MTA2: variants seen among roughly 807,000 people sequenced by gnomAD.
The protein encoded by MTA2 is metastasis-associated protein MTA2.
A neutral mutation model predicts 87.1 loss-of-function variants in MTA2; 22 were observed. The ratio of observed to expected loss-of-function variants is 0.25; its 90% confidence interval spans 0.18 to 0.36. The LOEUF (loss-of-function observed/expected upper bound fraction) is 0.36, where lower values mean the gene tolerates loss of function less well. MTA2 is among the 10% of genes least tolerant of loss of function. The probability of loss-of-function intolerance (pLI) is 1.00; values close to 1 mark genes in which losing one functional copy is unlikely to be tolerated. For synonymous variants in MTA2, 314 were observed against 310.1 expected (o/e 1.01, Z -0.13); for missense variants, 542 against 853.2 (o/e 0.64, Z 4.54).
Position 62,601,723 on chromosome 11 carries a change from G to C in MTA2, c.-273C>G, listed in dbSNP as rs966092441. Reference sequence around the variant, plus strand: ...AACGAGCTCGGCTCCTGCCAGGCCAGAGCCAGGCTCCAGCTACCCCCGCCC... The same window carrying C: ...AACGAGCTCGGCTCCTGCCAGGCCACAGCCAGGCTCCAGCTACCCCCGCCC... On this transcript the variant is annotated 5_prime_UTR_variant, in exon 1 of 18. Coordinates refer to ENST00000278823, the MANE Select transcript of MTA2 (RefSeq NM_004739.4). 4 of 519,740 alleles carry C rather than the reference G, an allele frequency of 7.7e-6. No homozygotes were observed. The East Asian group carries it at 1.4e-4, about 18-fold the overall frequency. 32.2% of individuals were successfully genotyped at this position (519,740 alleles called of 1,614,324 possible). A position where few individuals can be genotyped will look rare whatever the true frequency, so the allele number is the denominator to read the frequency against.
At chr11:62,597,197 C>T (rs1319671315) in intron 8 of MTA2, 119 bp downstream of exon 8, 18 of 716,622 alleles carry the variant, frequency 2.5e-5, no homozygotes, top group Non-Finnish European at 3.6e-5. Context: ...CAAAACAAAA[C>T]AAAACAAACA....
At position 62,597,578 on chromosome 11, in the gene MTA2, C is replaced by A. The variant is rs766419203; in HGVS notation, c.593+32G>T. The A allele has an allele frequency of 6.9e-6, 11 of 1,595,126 alleles. No homozygotes were observed. The Admixed American group carries it at 1.9e-4, about 27-fold the overall frequency. Reference sequence around the variant, plus strand: ...CTCAGAACAATGTCCACACCTCCCCCAGCCCATCTTCCCTATCCACCCACC... The same window carrying A: ...CTCAGAACAATGTCCACACCTCCCCAAGCCCATCTTCCCTATCCACCCACC... On this transcript the variant is annotated intron_variant, in intron 7 of 17. Transcript: ENST00000278823.
In MTA2 at chr11:62,595,164, G is replaced by A; in HGVS notation, c.1484-94C>T. 2 of 1,539,432 alleles carry A rather than the reference G, an allele frequency of 1.3e-6. No individual in the cohort carries two copies. Among genetic ancestry groups the A allele is most frequent in the Non-Finnish European group, 1.8e-6 (2 of 1,120,234 alleles). On this transcript the variant is annotated intron_variant, in intron 14 of 17. Coordinates refer to ENST00000278823, the MANE Select transcript of MTA2 (RefSeq NM_004739.4). This position sits in a 1 kb window ranked among gnomAD's most constrained non-coding sequence, Gnocchi z 4.9. The stretch of plus-strand genomic sequence containing the variant: ...CTCTAATCTTAAAAAAATTATCTGT[G>A]GCCTACTATCCCTCCTGTTATTAGA...
intron 5 of MTA2, 39 bp downstream of exon 5, chr11:62,598,288 C>G: frequency 6.3e-7 from 1 of 1,598,086 alleles, no homozygotes; most frequent in Non-Finnish European, 8.6e-7. Flanking sequence ...GCGGGCAATA[C>G]CCATTCCCCT....
chr11:62,595,319 C>T lies in MTA2; in HGVS notation c.1428G>A (p.Arg476=), dbSNP rs1214981624. 6.2e-7 allele frequency: 1 copy of T among 1,614,224 alleles called. No individual in the cohort carries two copies. The highest frequency in any genetic ancestry group is 1.1e-5 in the South Asian group (1 of 91,088). The part of the protein sequence containing the change: ...RRMCRDLLQP[R]RAARRPYAPI... ...GAGCATAAGGCCGTCGGGCGGCCCT[C>T]CTTGGCTGTAATAGGTCCCTGCACA... The change falls in exon 14 of 18, where the codon AGG becomes AGA. Residue 476 remains arginine (R), a synonymous_variant. Coordinates refer to ENST00000278823, the MANE Select transcript of MTA2 (RefSeq NM_004739.4). The surrounding 1 kb of genome is among the most constrained non-coding windows in gnomAD (Gnocchi z 4.9).
Position 62,595,080 on chromosome 11 carries a change from AAAG to A in MTA2, c.1484-13_1484-11del, listed in dbSNP as rs770017572. The A allele has an allele frequency of 3.4e-5, 55 of 1,613,346 alleles. No homozygotes were observed. In the African/African-American group the frequency reaches 6.7e-4, roughly 20 times the overall value. On this transcript the variant is annotated splice_polypyrimidine_tract_variant and intron_variant, in intron 14 of 17. Coordinates refer to ENST00000278823, the MANE Select transcript of MTA2 (RefSeq NM_004739.4). This position sits in a 1 kb window ranked among gnomAD's most constrained non-coding sequence, Gnocchi z 4.9. The stretch of plus-strand genomic sequence containing the variant: ...GGAAGTCGAATGGAGCCTGGAGAAC[AAAG>A]AAGAAAGCTTCTGAAGGGCTTCACC...
Position 62,601,559 on chromosome 11 carries a change from G to C in MTA2, c.-109C>G, listed in dbSNP as rs1942201870. The C allele has an allele frequency of 7.5e-7, 1 of 1,335,262 alleles. No homozygotes were observed. The highest frequency in any genetic ancestry group is 1.4e-5 in the South Asian group (1 of 72,492). The allele number at this position is 1,335,262 out of a possible 1,614,324, so 82.7% of individuals were successfully genotyped here. A position where few individuals can be genotyped will look rare whatever the true frequency, so the allele number is the denominator to read the frequency against. On this transcript the variant is annotated 5_prime_UTR_variant, in exon 1 of 18. Transcript: ENST00000278823. The stretch of plus-strand genomic sequence containing the variant: ...AACGGTGGGCTGCCGCTTCGAGGGA[G>C]TCTCACTGGGGCCCGCGCAGCCGGC...
intron 3 of MTA2, among the ~76,000 whole-genome samples, chr11:62,599,927 T>C (rs1234707561): frequency 2.0e-5 from 3 of 152,206 alleles, no homozygotes; most frequent in African/African-American, 7.2e-5. Context: ...ATACTCTAAA[T>C]GTTATCATCT....
In MTA2 at chr11:62,600,700, A is replaced by T; in HGVS notation, c.29-11T>A. 1 of 1,612,674 alleles carries T rather than the reference A, an allele frequency of 6.2e-7. No individual in the cohort carries two copies. Among genetic ancestry groups the T allele is most frequent in the Non-Finnish European group, 8.5e-7 (1 of 1,179,032 alleles). On this transcript the variant is annotated splice_polypyrimidine_tract_variant and intron_variant, in intron 1 of 17. Coordinates refer to ENST00000278823, the MANE Select transcript of MTA2 (RefSeq NM_004739.4). ...CAAAATAGACGTAATCTGTAAGGGA[A>T]GGGAGGGGGGAGAACCACGAAGATC... is the stretch of plus-strand genomic sequence containing the variant.
Position 62,595,679 on chromosome 11 carries a change from T to C in MTA2, c.1254+73A>G. On this transcript the variant is annotated intron_variant, in intron 13 of 17. Coordinates refer to ENST00000278823, the MANE Select transcript of MTA2 (RefSeq NM_004739.4). This position sits in a 1 kb window ranked among gnomAD's most constrained non-coding sequence, Gnocchi z 4.9. ...CCATCACCATATAAAGAGTTGAATA[T>C]TCTGGCCTTCACCTAAGCTCACCAT... 6.3e-7 allele frequency: 1 copy of C among 1,585,740 alleles called. No homozygotes were observed. The highest frequency in any genetic ancestry group is 1.2e-5 in the South Asian group (1 of 86,520).
chr11:62,594,068 G>A, intron 17 of MTA2, 28 bp from the exon 18 acceptor site: 1 of 1,572,110 alleles, frequency 6.4e-7, no homozygotes, highest in Non-Finnish European at 8.6e-7. Context: ...GTGGGAAACA[G>A]AAAAGGCTTA....
chr11:62,596,325 C>A lies in MTA2; in HGVS notation c.970G>T (p.Ala324Ser), dbSNP rs1565044187. ...DRYIQQKRLK[A>S]AEADSKLKQV... ...TTCAGTTTGCTGTCTGCTTCAGCAG[C>A]TTTCAACCTTTTCTGTAAGAAGGTA... Residue 324 changes from alanine (A) to serine (S), a missense_variant, in exon 11 of 18, where the codon GCT becomes TCT. Physicochemically the swap from Ala to Ser is moderately conservative, Grantham distance 99. Around this residue, in one of 6 missense-constraint regions of MTA2, gnomAD observed 46 missense variants for 109.1 expected, o/e 0.42. Coordinates refer to ENST00000278823, the MANE Select transcript of MTA2 (RefSeq NM_004739.4). The A allele has an allele frequency of 3.1e-6, 5 of 1,614,170 alleles. No homozygotes were observed. The highest frequency in any genetic ancestry group is 4.2e-6 in the Non-Finnish European group (5 of 1,180,036).
chr11:62,594,355 C>G lies in MTA2; in HGVS notation c.1745G>C (p.Gly582Ala), dbSNP rs1942067559. The change falls in exon 17 of 18, where the codon GGG becomes GCG. Residue 582 changes from glycine to alanine, a missense_variant. Transcript: ENST00000278823. ...FSANGRPLAS[G>A]IRSSSQPAAK... ...TGCTGGCTGTGAGCTTGAACGAATC[C>G]CTGAAGCCAGAGGCCTTCCATTGGC... 6.2e-7 allele frequency: 1 copy of G among 1,614,028 alleles called. No homozygotes were observed. The highest frequency in any genetic ancestry group is 1.3e-5 in the African/African-American group (1 of 74,888).
In MTA2 at chr11:62,593,594, A is replaced by C; in HGVS notation, c.*281T>G. The stretch of plus-strand genomic sequence containing the variant: ...TAAAAAATTAAAAAACCCTCCCCCC[A>C]AAACTGTCCAAGACATCTGTGGGTC... On this transcript the variant is annotated 3_prime_UTR_variant, in exon 18 of 18. Transcript: ENST00000278823. 5.9e-6 allele frequency: 2 copies of C among 338,418 alleles called. No homozygotes were observed. The highest frequency in any genetic ancestry group is 6.1e-5 in the East Asian group (1 of 16,388). The allele number at this position is 338,418 out of a possible 1,614,324, so 21.0% of individuals were successfully genotyped here. A position where few individuals can be genotyped will look rare whatever the true frequency, so the allele number is the denominator to read the frequency against.
At position 62,594,546 on chromosome 11, in the gene MTA2, C is replaced by T. The variant is rs1942071422; in HGVS notation, c.1662G>A (p.Gly554=). Residue 554 remains glycine (G), a synonymous_variant, in exon 16 of 18, where the codon GGG becomes GGA. Coordinates refer to ENST00000278823, the MANE Select transcript of MTA2 (RefSeq NM_004739.4). ...RNQLSQNRGL[G]GIMVKRAYET... is the part of the protein sequence containing the mutation. ...CATAGGCCCGTTTCACCATAATGCC[C>T]CCCAGTCCCCGGTTCTGGGACAGCT... is the stretch of plus-strand genomic sequence containing the variant. The T allele has an allele frequency of 5.0e-6, 8 of 1,614,078 alleles. No homozygotes were observed. Among genetic ancestry groups the T allele is most frequent in the Non-Finnish European group, 5.9e-6 (7 of 1,180,060 alleles).
intron 3 of MTA2, 21 bp downstream of exon 3, chr11:62,600,145 G>T (rs1459473037): frequency 6.2e-7 from 1 of 1,604,808 alleles, no homozygotes; most frequent in Admixed American, 1.7e-5. Context: ...AGGAGAAAAA[G>T]AAAGGGAGGA....
intron 10 of MTA2, 28 bp downstream of exon 10, chr11:62,596,430 G>C: frequency 1.2e-6 from 2 of 1,613,228 alleles, no homozygotes; most frequent in Non-Finnish European, 1.7e-6. Context: ...GGTAGCCTAT[G>C]GTCCACCCTC....
chr11:62,594,601 C>G lies in MTA2; in HGVS notation c.1607G>C (p.Arg536Pro), dbSNP rs768452845. 6.2e-7 allele frequency: 1 copy of G among 1,614,056 alleles called. No homozygotes were observed. The highest frequency in any genetic ancestry group is 8.5e-7 in the Non-Finnish European group (1 of 1,180,020). ...TCTGTTGATCGGTGTCTTGGTACCC[C>G]GAGGTGTTTTTGGTTTCAGGGGTGC... ...AQAPLKPKTPRGTKTPINRNQ... is the reference protein window; with the variant it reads ...AQAPLKPKTPPGTKTPINRNQ... The change falls in exon 16 of 18, where the codon CGG becomes CCG. Residue 536 changes from arginine to proline, a missense_variant. Arg to Pro is a moderately radical substitution (Grantham distance 103). This residue lies in a region of MTA2 where 269 missense variants were observed against 346.4 expected (regional missense o/e 0.78). Transcript: ENST00000278823.
chr11:62,598,775 C>T (rs1014366304), intron 3 of MTA2, 136 bp from the exon 4 acceptor site: 8 of 714,372 alleles, frequency 1.1e-5, no homozygotes, highest in Admixed American at 1.1e-4. Context: ...GCCTTCTATA[C>T]CCTTATCCCA....
Sources: gnomAD v4.1 joint callset for allele counts (sites outside exome capture counted in the v4.1 genomes callset) on GRCh38, gnomAD v4.1.1 for gene constraint, gnomAD v4.1.1 regional missense constraint, Gnocchi (gnomAD v3.1) non-coding constraint, MANE v1.5 for transcripts, NCBI Gene and HGNC (gene_info 2026-07-23, HGNC 2026-07-21) for gene names.